CNBD1: variants seen among roughly 807,000 people sequenced by gnomAD.
CNBD1 encodes the protein cyclic nucleotide binding domain containing 1.
A neutral mutation model predicts 54.4 loss-of-function variants in CNBD1; 71 were observed. That is an observed-to-expected ratio of 1.30 (90% CI 1.08 to 1.59). The LOEUF (loss-of-function observed/expected upper bound fraction) is 1.59, where lower values mean the gene tolerates loss of function less well. CNBD1 is among the 40% of genes most tolerant of loss of function. The pLI is 0.00. For missense variants in CNBD1, 659 were observed against 518.0 expected, an observed-to-expected ratio of 1.27 and a Z score of -2.64; for synonymous variants, 182 against 170.7, an observed-to-expected ratio of 1.07 and a Z score of -0.51.
chr8:87,235,468 CT>C (rs1807565166), intron 5 of CNBD1, among the ~76,000 whole-genome samples: 1 of 152,028 alleles, frequency 6.6e-6, no homozygotes, highest in Non-Finnish European at 1.5e-5. Flanking sequence ...ATTAATTGGC[CT>C]AATTTTAACA....
chr8:87,154,546 C>T (rs114341986), intron 4 of CNBD1, among the ~76,000 whole-genome samples: 2,552 of 152,294 alleles, frequency 0.017, 75 homozygotes, highest in African/African-American at 0.058. Flanking sequence ...TCTGGAGACA[C>T]TCTGTGTACT....
chr8:87,377,320 A>C, intron 10 of CNBD1, among the ~76,000 whole-genome samples: 2 of 127,054 alleles, frequency 1.6e-5, no homozygotes, highest in African/African-American at 2.9e-5. Flanking sequence ...ACCCCACAAC[A>C]GTCCCCAGAG....
Position 87,145,658 on chromosome 8 carries a change from C to T in CNBD1, c.432-60335C>T, listed in dbSNP as rs991421733. Reference sequence around the variant, plus strand: ...ATTAGATTTCAAGTGTTGGAAAATCCTTTTACTATTTGTGAGAGGGTTTAT... The same window carrying T: ...ATTAGATTTCAAGTGTTGGAAAATCTTTTTACTATTTGTGAGAGGGTTTAT... On this transcript the variant is annotated intron_variant, in intron 4 of 10. Transcript: ENST00000518476. Among the ~76,000 whole-genome samples the T allele has an allele frequency of 1.1e-4, 16 of 152,004 alleles. 2 individuals carry two copies. The highest frequency in any genetic ancestry group is 6.6e-4 in the Admixed American group (10 of 15,256).
chr8:87,387,572 T>A (rs1811216023), downstream of CNBD1, among the ~76,000 whole-genome samples: 1 of 152,174 alleles, frequency 6.6e-6, no homozygotes, highest in African/African-American at 2.4e-5. Flanking sequence ...TAAACATATA[T>A]GCACCCAATA....
At chr8:87,404,157 T>C (rs978129389) in intron 2 of CNBD1, among the ~76,000 whole-genome samples, 1 of 151,946 alleles carries the variant, frequency 6.6e-6, no homozygotes, top group Non-Finnish European at 1.5e-5. Flanking sequence ...GATGGAAGTT[T>C]TTATGTCAGC....
chr8:87,075,482 C>G (rs1810849604), intron 4 of CNBD1, among the ~76,000 whole-genome samples: 1 of 152,226 alleles, frequency 6.6e-6, no homozygotes, highest in East Asian at 1.9e-4. Context: ...CACATCCAGA[C>G]AGTGAGATGC....
intron 8 of CNBD1, among the ~76,000 whole-genome samples, chr8:87,349,934 A>G (rs1033614780): frequency 2.6e-5 from 4 of 152,210 alleles, no homozygotes; most frequent in African/African-American, 9.6e-5. Context: ...GTTGTTATAT[A>G]TACTTCTCTG....
intron 6 of CNBD1, among the ~76,000 whole-genome samples, chr8:87,245,341 A>G (rs1457239289): frequency 6.6e-6 from 1 of 152,064 alleles, no homozygotes; most frequent in Non-Finnish European, 1.5e-5. Context: ...ATTGGTACAT[A>G]GTAAGTCTGT....
At chr8:86,916,942 C>T (rs1312483792) in intron 3 of CNBD1, among the ~76,000 whole-genome samples, 1 of 150,914 alleles carries the variant, frequency 6.6e-6, no homozygotes, top group Non-Finnish European at 1.5e-5. Context: ...ACAATCTTGG[C>T]TCACTGCACC....
rs868265749 is a variant in CNBD1 at position 87,301,638 on chromosome 8, C to T, written c.1042+14967C>T. On this transcript the variant is annotated intron_variant, in intron 8 of 10. Transcript: ENST00000518476. ...ACAGAATTAAAAACAAAAATCACAA[C>T]TAAGAGCAGAACTGAAGGAAATAGA... Among the ~76,000 whole-genome samples the T allele has an allele frequency of 4.0e-5, 6 of 151,632 alleles. No individual in the cohort carries two copies. In the Middle Eastern group the frequency reaches 0.02, roughly 516 times the overall value.
chr8:87,281,277 C>T (rs16898294), intron 6 of CNBD1, among the ~76,000 whole-genome samples: 42,456 of 150,714 alleles, frequency 0.28, 6,421 homozygotes, highest in African/African-American at 0.39. Context: ...TACATACTTT[C>T]TATGGCCATT....
At chr8:87,149,359 G>T (rs72665043) in intron 4 of CNBD1, among the ~76,000 whole-genome samples, 25,926 of 151,990 alleles carry the variant, frequency 0.17, 2,764 homozygotes, top group Non-Finnish European at 0.24. Flanking sequence ...CATTTTTTTC[G>T]AGATGAAGGG....
At chr8:87,361,044 T>G (rs563490434) in intron 10 of CNBD1, among the ~76,000 whole-genome samples, 1 of 151,914 alleles carries the variant, frequency 6.6e-6, no homozygotes, top group Non-Finnish European at 1.5e-5. Context: ...ACAAAACTAA[T>G]AAAAAGGATT....
chr8:87,114,136 T>C (rs942446646), intron 4 of CNBD1, among the ~76,000 whole-genome samples: 1 of 152,194 alleles, frequency 6.6e-6, no homozygotes, highest in African/African-American at 2.4e-5. Flanking sequence ...TACTCAGTAA[T>C]TTTTGAAAAG....
intron 4 of CNBD1, among the ~76,000 whole-genome samples, chr8:87,007,063 G>A (rs1162775874): frequency 6.6e-6 from 1 of 152,104 alleles, no homozygotes; most frequent in Admixed American, 6.6e-5. Context: ...CAGGCGTGGT[G>A]GTGGGCGCCT....
chr8:87,006,918 C>T (rs921091892), intron 4 of CNBD1, among the ~76,000 whole-genome samples: 9 of 152,146 alleles, frequency 5.9e-5, no homozygotes, highest in East Asian at 3.9e-4. Flanking sequence ...TCTTATTGGC[C>T]GGGTGCCGCG....
chr8:87,374,242 A>T (rs1810879231), intron 10 of CNBD1, among the ~76,000 whole-genome samples: 1 of 151,790 alleles, frequency 6.6e-6, no homozygotes, highest in Non-Finnish European at 1.5e-5. Flanking sequence ...TCTGTCTTTT[A>T]CTGTGCAATA....
intron 2 of CNBD1, among the ~76,000 whole-genome samples, chr8:87,417,504 G>A (rs1259420464): frequency 6.6e-6 from 1 of 152,010 alleles, no homozygotes; most frequent in Admixed American, 6.6e-5. Flanking sequence ...AATTTGGCAA[G>A]TAAATGGAAG....
chr8:87,286,722 G>A (rs1214370111), intron 8 of CNBD1, 51 bp downstream of exon 8: 2 of 1,273,326 alleles, frequency 1.6e-6, no homozygotes, highest in Non-Finnish European at 1.1e-6. Flanking sequence ...TTATATTATT[G>A]GAATTGAAAT....
Sources: allele counts gnomAD v4.1 joint callset (sites outside exome capture counted in the v4.1 genomes callset), GRCh38; gene constraint gnomAD v4.1.1; transcripts MANE v1.5; gene names NCBI Gene and HGNC (gene_info 2026-07-23, HGNC 2026-07-21).